Variants in DGKB observed in about 807,000 individuals in gnomAD.
The protein encoded by DGKB is diacylglycerol kinase beta, also known as 90 kDa diacylglycerol kinase.
A neutral mutation model predicts 114.3 loss-of-function variants in DGKB; 67 were observed. That is an observed-to-expected ratio of 0.59 (90% CI 0.48 to 0.72). The LOEUF is 0.72. DGKB is among the 30% of genes least tolerant of loss of function. The pLI, the probability that DGKB is intolerant of heterozygous loss-of-function variation, is 0.00. For missense variants in DGKB, 907 were observed against 975.2 expected (o/e 0.93, Z 0.93); for synonymous variants, 398 against 323.1 (o/e 1.23, Z -2.49).
chr7:14,401,983 C>CAT, intron 21 of DGKB, among the ~76,000 whole-genome samples: 1 of 144,390 alleles, frequency 6.9e-6, no homozygotes, highest in Non-Finnish European at 1.5e-5. Context: ...CACACACACA[C>CAT]ACACCCGCTA....
intron 8 of DGKB, among the ~76,000 whole-genome samples, chr7:14,696,297 T>A (rs1393166521): frequency 6.6e-6 from 1 of 151,250 alleles, no homozygotes; most frequent in South Asian, 2.1e-4. Flanking sequence ...ATCGAGACCA[T>A]CCTGGCTAAC....
At chr7:14,412,625 GA>G (rs1825071555) in intron 21 of DGKB, among the ~76,000 whole-genome samples, 1 of 152,042 alleles carries the variant, frequency 6.6e-6, no homozygotes, top group African/African-American at 2.4e-5. Context: ...GATCGTATAA[GA>G]AAAATGATCA....
In DGKB at chr7:14,758,884, AATAGATAGATAG is replaced by A. The variant is rs76875239; in HGVS notation, c.71-1165_71-1154del. On this transcript the variant is annotated intron_variant, in intron 2 of 25. Transcript: ENST00000402815. ...GTGGGTTTGTGTATGTGTGTGAAAC[AATAGATAGATAG>A]ATAGATAGATAGATAGATAGATAGA... Among the ~76,000 whole-genome samples the A allele has an allele frequency of 8.7e-3, 1,258 of 145,168 alleles. 11 individuals are homozygous for A. Among genetic ancestry groups the A allele is most frequent in the African/African-American group, 0.028 (1,080 of 38,132 alleles).
chr7:14,222,401 GTTATT>G (rs1039059417), intron 23 of DGKB, among the ~76,000 whole-genome samples: 3 of 150,710 alleles, frequency 2.0e-5, no homozygotes, highest in Non-Finnish European at 4.5e-5. Flanking sequence ...TGATTCATTG[GTTATT>G]TTAGAGTATG....
chr7:14,795,049 C>G (rs935980006), intron 2 of DGKB, among the ~76,000 whole-genome samples: 1 of 152,164 alleles, frequency 6.6e-6, no homozygotes, highest in African/African-American at 2.4e-5. Context: ...TGCTTCTAGA[C>G]CTATAATTAG....
chr7:14,459,960 A>G (rs1832831281), intron 21 of DGKB, among the ~76,000 whole-genome samples: 1 of 152,206 alleles, frequency 6.6e-6, no homozygotes, highest in Admixed American at 6.5e-5. Context: ...TCTTAAAGAA[A>G]TGAATTTTCA....
intron 4 of DGKB, among the ~76,000 whole-genome samples, chr7:14,738,888 GTAACA>G (rs561755530): frequency 2.6e-5 from 4 of 152,098 alleles, no homozygotes; most frequent in Non-Finnish European, 5.9e-5. Flanking sequence ...CTTTAACTTG[GTAACA>G]TAACAAACAA....
Position 14,443,160 on chromosome 7 carries a change from T to A in DGKB, c.1835+35001A>T, listed in dbSNP as rs113296878. 2.0e-3 allele frequency among the ~76,000 whole-genome samples: 304 copies of A among 152,308 alleles called. 1 individual carries two copies. The highest frequency in any genetic ancestry group is 3.4e-3 in the Non-Finnish European group (232 of 68,018). On this transcript the variant is annotated intron_variant, in intron 21 of 25. Coordinates refer to ENST00000402815, the MANE Select transcript of DGKB (RefSeq NM_001350709.2). The stretch of plus-strand genomic sequence containing the variant: ...TCTAAGCATTTTTACAAATATTTTC[T>A]TATTTCTTTTGCATTACTTGAGATT...
chr7:14,228,985 TA>T (rs1554296457), intron 23 of DGKB, among the ~76,000 whole-genome samples: 4 of 151,778 alleles, frequency 2.6e-5, no homozygotes, highest in Non-Finnish European at 5.9e-5. Flanking sequence ...TTTGAACATA[TA>T]AATTTCATTA....
chr7:14,286,382 C>T (rs1027481749), intron 23 of DGKB, among the ~76,000 whole-genome samples: 1 of 152,114 alleles, frequency 6.6e-6, no homozygotes, highest in African/African-American at 2.4e-5. Context: ...GGCATCTAAA[C>T]TTTGAATAGT....
intron 20 of DGKB, among the ~76,000 whole-genome samples, chr7:14,486,465 A>G (rs1783825855): frequency 6.6e-6 from 1 of 152,188 alleles, no homozygotes; most frequent in Non-Finnish European, 1.5e-5. Context: ...AAAGAGTTAT[A>G]TAGAGAAAAC....
rs767952442 is a variant in DGKB at position 14,583,153 on chromosome 7, G to A, written c.1434-16C>T. 4.6e-6 allele frequency: 7 copies of A among 1,516,302 alleles called. No individual in the cohort carries two copies. In the African/African-American group the frequency reaches 8.2e-5, roughly 18 times the overall value. The allele number at this position is 1,516,302 out of a possible 1,614,324, so 93.9% of individuals were successfully genotyped here. On this transcript the variant is annotated splice_polypyrimidine_tract_variant and intron_variant, in intron 17 of 25. Transcript: ENST00000402815. Reference sequence around the variant, plus strand: ...AAAGTTTAACCTGAAAAATAAGCATGTTATGGCACATGATTAATAGTTTAA... The same window carrying A: ...AAAGTTTAACCTGAAAAATAAGCATATTATGGCACATGATTAATAGTTTAA...
intron 1 of DGKB, among the ~76,000 whole-genome samples, chr7:14,853,411 T>C (rs922694858): frequency 1.3e-5 from 2 of 151,924 alleles, no homozygotes; most frequent in African/African-American, 4.8e-5. Flanking sequence ...TTGTTTTCTG[T>C]ATTGTTGCTA....
chr7:14,910,634 A>G (rs1481792316), intron 1 of DGKB, among the ~76,000 whole-genome samples: 1 of 152,184 alleles, frequency 6.6e-6, no homozygotes, highest in Non-Finnish European at 1.5e-5. Flanking sequence ...CACATGAACA[A>G]TCAGAAGTAC....
At chr7:14,316,464 C>A (rs1429017350) in intron 23 of DGKB, among the ~76,000 whole-genome samples, 2 of 131,016 alleles carry the variant, frequency 1.5e-5, no homozygotes, top group Admixed American at 1.6e-4. Context: ...CACCACCGAT[C>A]CCACAGAAAT....
intron 1 of DGKB, among the ~76,000 whole-genome samples, chr7:14,923,405 A>G (rs1329040788): frequency 1.3e-5 from 2 of 152,172 alleles, no homozygotes; most frequent in African/African-American, 4.8e-5. Context: ...TTGATTCCAC[A>G]TATAAATGAG....
intron 12 of DGKB, among the ~76,000 whole-genome samples, chr7:14,677,179 A>G (rs1525080): frequency 1 from 151,863 of 152,116 alleles, 75,805 homozygotes; most frequent in Middle Eastern, 1. Flanking sequence ...CATGTGTGCC[A>G]GCATATAGTT....
At chr7:14,972,547 A>G (rs1285447411) in intron 1 of DGKB, among the ~76,000 whole-genome samples, 1 of 152,128 alleles carries the variant, frequency 6.6e-6, no homozygotes, top group Non-Finnish European at 1.5e-5. Context: ...ATGAAGGAGT[A>G]ATCATCACAT....
intron 23 of DGKB, among the ~76,000 whole-genome samples, chr7:14,231,811 T>C (rs2128342312): frequency 6.6e-6 from 1 of 152,202 alleles, no homozygotes; most frequent in Non-Finnish European, 1.5e-5. Context: ...CGAGGAAAAG[T>C]AAGTTGAATT....
Sources: gnomAD v4.1 joint callset for allele counts (sites outside exome capture counted in the v4.1 genomes callset) on GRCh38, gnomAD v4.1.1 for gene constraint, MANE v1.5 for transcripts, NCBI Gene and HGNC (gene_info 2026-07-23, HGNC 2026-07-21) for gene names.